Variants in SMAP1 observed in about 807,000 individuals in gnomAD.
SMAP1 encodes stromal membrane-associated protein 1.
SMAP1 carries 24 observed loss-of-function variants against 58.5 expected under a neutral mutation model. That is an observed-to-expected ratio of 0.41 (90% CI 0.30 to 0.58). SMAP1 has a LOEUF of 0.58. Ranked by LOEUF, SMAP1 falls within the 20% of genes least tolerant of loss-of-function variation. The pLI is 0.29. For missense variants in SMAP1, 563 were observed against 566.3 expected (o/e 0.99, Z 0.06); for synonymous variants, 216 against 196.6 (o/e 1.10, Z -0.82).
intron 2 of SMAP1, chr6:70,734,934 A>G (rs539563034): frequency 2.0e-5 from 3 of 153,764 alleles, no homozygotes; most frequent in Non-Finnish European, 2.9e-5. Flanking sequence ...TGTAGATTAT[A>G]TTGCAGATAA....
At chr6:70,690,904 T>A (rs1021815776) in intron 1 of SMAP1, among the ~76,000 whole-genome samples, 13 of 150,582 alleles carry the variant, frequency 8.6e-5, no homozygotes, top group African/African-American at 3.2e-4. Context: ...TCCGGAGGAG[T>A]TTGTATAGAA....
At chr6:70,737,412 G>T (rs1200663697) in intron 2 of SMAP1, among the ~76,000 whole-genome samples, 1 of 152,170 alleles carries the variant, frequency 6.6e-6, no homozygotes, top group Non-Finnish European at 1.5e-5. Flanking sequence ...CTCCCAAAGT[G>T]CTGGAATTAC....
intron 6 of SMAP1, among the ~76,000 whole-genome samples, chr6:70,799,651 A>G (rs996544919): frequency 3.3e-5 from 5 of 152,208 alleles, no homozygotes; most frequent in Admixed American, 1.3e-4. Flanking sequence ...ACATAATAGA[A>G]GTACTGTATA....
chr6:70,678,290 C>T (rs1037072718), intron 1 of SMAP1, among the ~76,000 whole-genome samples: 1 of 152,046 alleles, frequency 6.6e-6, no homozygotes, highest in African/African-American at 2.4e-5. Context: ...ATAAAGCGTG[C>T]CTTTCATTGA....
chr6:70,740,060 A>G (rs905138968), intron 2 of SMAP1, among the ~76,000 whole-genome samples: 8 of 152,084 alleles, frequency 5.3e-5, no homozygotes, highest in Non-Finnish European at 8.8e-5. Flanking sequence ...TTTTTTGGGA[A>G]AAGTTTTCTA....
intron 1 of SMAP1, among the ~76,000 whole-genome samples, chr6:70,682,921 C>T (rs1171192954): frequency 3.3e-5 from 5 of 151,910 alleles, no homozygotes; most frequent in Non-Finnish European, 7.4e-5. Context: ...GCCTGTAATC[C>T]CAGGTACTTG....
chr6:70,820,282 C>T (rs1769828076), intron 6 of SMAP1, among the ~76,000 whole-genome samples: 1 of 151,990 alleles, frequency 6.6e-6, no homozygotes. Context: ...TATAGATTTT[C>T]ATGTCATTTT....
At chr6:70,838,179 A>G (rs1438714234) in intron 7 of SMAP1, among the ~76,000 whole-genome samples, 2 of 152,104 alleles carry the variant, frequency 1.3e-5, no homozygotes, top group African/African-American at 4.8e-5. Flanking sequence ...TCTTAGTAAA[A>G]CTTTAGTATA....
intron 1 of SMAP1, among the ~76,000 whole-genome samples, chr6:70,672,553 T>A (rs1242655200): frequency 6.6e-6 from 1 of 152,242 alleles, no homozygotes; most frequent in African/African-American, 2.4e-5. Flanking sequence ...AATTATGGGG[T>A]ACACTGTATC....
intron 1 of SMAP1, among the ~76,000 whole-genome samples, chr6:70,673,900 G>T (rs944405943): frequency 4.0e-5 from 6 of 151,730 alleles, no homozygotes; most frequent in East Asian, 1.9e-4. Context: ...TGTCTTTTTT[G>T]TTTGTTTGTT....
chr6:70,781,156 G>T (rs1767746586), intron 4 of SMAP1, among the ~76,000 whole-genome samples: 1 of 152,198 alleles, frequency 6.6e-6, no homozygotes, highest in Admixed American at 6.5e-5. Flanking sequence ...CCCCAATAGA[G>T]CATGTAAAGG....
intron 3 of SMAP1, among the ~76,000 whole-genome samples, chr6:70,755,854 A>G (rs887820005): frequency 2.6e-5 from 4 of 152,038 alleles, no homozygotes; most frequent in African/African-American, 7.2e-5. Context: ...TATGTGAGGC[A>G]TTGTGGCATT....
chr6:70,817,923 CTT>C (rs1019923623), intron 6 of SMAP1, among the ~76,000 whole-genome samples: 17 of 152,094 alleles, frequency 1.1e-4, no homozygotes, highest in Non-Finnish European at 2.4e-4. Flanking sequence ...AATTAGAACT[CTT>C]GTTTCATTAG....
intron 1 of SMAP1, among the ~76,000 whole-genome samples, chr6:70,701,915 G>A (rs1767645846): frequency 6.6e-6 from 1 of 152,148 alleles, no homozygotes; most frequent in Admixed American, 6.5e-5. Flanking sequence ...TGTTCATCTT[G>A]CTCTGCCTCC....
At chr6:70,859,024 C>A (rs552313603) in intron 10 of SMAP1, 1 of 208,228 alleles carries the variant, frequency 4.8e-6, no homozygotes, top group African/African-American at 2.3e-5. Flanking sequence ...TTTTACACTT[C>A]CCATTGATGT....
intron 1 of SMAP1, among the ~76,000 whole-genome samples, chr6:70,711,869 C>G (rs956575985): frequency 1.3e-5 from 2 of 152,134 alleles, no homozygotes; most frequent in African/African-American, 4.8e-5. Flanking sequence ...AGGATTACGT[C>G]ATCTGCAAAT....
intron 1 of SMAP1, among the ~76,000 whole-genome samples, chr6:70,707,025 G>C (rs1767868688): frequency 6.6e-6 from 1 of 152,038 alleles, no homozygotes; most frequent in Non-Finnish European, 1.5e-5. Flanking sequence ...TCCTTATTCT[G>C]GGTTTTTCTT....
intron 7 of SMAP1, among the ~76,000 whole-genome samples, chr6:70,846,878 C>T (rs571325255): frequency 2.6e-5 from 4 of 152,200 alleles, no homozygotes; most frequent in South Asian, 2.1e-4. Context: ...CATTGAGACC[C>T]GTGTTGAAGT....
chr6:70,674,859 C>T (rs1581977773), intron 1 of SMAP1, among the ~76,000 whole-genome samples: 1 of 152,158 alleles, frequency 6.6e-6, no homozygotes, highest in African/African-American at 2.4e-5. Flanking sequence ...CCTGTAGTCC[C>T]AGCTACTCGG....
Sources: gnomAD v4.1 joint callset for allele counts (sites outside exome capture counted in the v4.1 genomes callset) on GRCh38, gnomAD v4.1.1 for gene constraint, MANE v1.5 for transcripts, NCBI Gene and HGNC (gene_info 2026-07-23, HGNC 2026-07-21) for gene names.